SORCS2: variants seen among roughly 807,000 people sequenced by gnomAD.
SORCS2 encodes the protein VPS10 domain-containing receptor SorCS2.
In SORCS2, 100 loss-of-function variants were observed where a neutral mutation model predicts 141.6. The observed-to-expected ratio is 0.71, with a 90% CI of 0.60 to 0.83. SORCS2 has a LOEUF of 0.83. Ranked by LOEUF, SORCS2 falls within the 40% of genes least tolerant of loss-of-function variation. SORCS2 has a pLI of 0.00. For missense variants in SORCS2, 1,646 were observed against 1,560.2 expected, an observed-to-expected ratio of 1.05 and a Z score of -0.93; for synonymous variants, 789 against 676.9, an observed-to-expected ratio of 1.17 and a Z score of -2.57.
At chr4:7,739,989 AC>A (rs756807060) in intron 26 of SORCS2, among the ~76,000 whole-genome samples, 20 of 151,966 alleles carry the variant, frequency 1.3e-4, no homozygotes, top group African/African-American at 4.3e-4. Context: ...TCTGGGGCCC[AC>A]TGCTTGTGAT....
At chr4:7,383,090 G>C (rs1292148001) in intron 1 of SORCS2, among the ~76,000 whole-genome samples, 1 of 152,074 alleles carries the variant, frequency 6.6e-6, no homozygotes. Flanking sequence ...CTCATGCCCC[G>C]CGGGGCTGCT....
chr4:7,381,541 G>A (rs892379038), intron 1 of SORCS2, among the ~76,000 whole-genome samples: 3 of 152,214 alleles, frequency 2.0e-5, no homozygotes, highest in Non-Finnish European at 2.9e-5. Flanking sequence ...GCTGTCCCCC[G>A]TGAGTGTGGT....
chr4:7,545,344 C>T (rs755926872), intron 3 of SORCS2, among the ~76,000 whole-genome samples: 2 of 152,096 alleles, frequency 1.3e-5, no homozygotes, highest in Non-Finnish European at 2.9e-5. Context: ...ATACAGAGGT[C>T]GGGGAGCTCC....
At chr4:7,342,616 G>C (rs1720428739) in intron 1 of SORCS2, among the ~76,000 whole-genome samples, 1 of 152,132 alleles carries the variant, frequency 6.6e-6, no homozygotes, top group East Asian at 1.9e-4. Flanking sequence ...TTGGGGCCCG[G>C]CCTGCTTGCA....
intron 1 of SORCS2, among the ~76,000 whole-genome samples, chr4:7,383,884 A>G (rs890306659): frequency 2.6e-5 from 4 of 152,250 alleles, no homozygotes; most frequent in Non-Finnish European, 1.5e-5. Context: ...GCTGAGGTGG[A>G]AAAGTCTACC....
intron 2 of SORCS2, among the ~76,000 whole-genome samples, chr4:7,451,824 G>A (rs1728481119): frequency 6.6e-6 from 1 of 152,226 alleles, no homozygotes; most frequent in African/African-American, 2.4e-5. Flanking sequence ...GGAGCTCAGA[G>A]AGGATGCTGA....
At chr4:7,502,740 C>A (rs1252227049) in intron 2 of SORCS2, among the ~76,000 whole-genome samples, 1 of 152,254 alleles carries the variant, frequency 6.6e-6, no homozygotes, top group African/African-American at 2.4e-5. Flanking sequence ...TCACGACGCT[C>A]CATCTGCCAA....
At chr4:7,264,290 C>T (rs574599670) in intron 1 of SORCS2, among the ~76,000 whole-genome samples, 4 of 152,326 alleles carry the variant, frequency 2.6e-5, no homozygotes, top group African/African-American at 7.2e-5. Flanking sequence ...GCCCATGTCC[C>T]GCACCTCCCT....
intron 1 of SORCS2, among the ~76,000 whole-genome samples, chr4:7,387,833 C>T (rs961147631): frequency 9.1e-6 from 1 of 109,530 alleles, no homozygotes; most frequent in African/African-American, 2.9e-5. Context: ...TACACATGCA[C>T]ATACATACAC....
chr4:7,497,189 A>T (rs1351993889), intron 2 of SORCS2, among the ~76,000 whole-genome samples: 1 of 152,132 alleles, frequency 6.6e-6, no homozygotes, highest in African/African-American at 2.4e-5. Flanking sequence ...CCCCTGCCAC[A>T]CTCTGGTGTT....
intron 24 of SORCS2, 92 bp from the exon 25 acceptor site, chr4:7,734,180 G>T: frequency 1.1e-6 from 1 of 906,554 alleles, no homozygotes. Context: ...GGGACAGGCT[G>T]GGGACGGGTG....
intron 2 of SORCS2, among the ~76,000 whole-genome samples, chr4:7,455,875 C>T (rs1025387978): frequency 1.3e-5 from 2 of 152,156 alleles, no homozygotes; most frequent in African/African-American, 4.8e-5. Flanking sequence ...ACATGCTGTG[C>T]TGGTATCAGG....
intron 1 of SORCS2, among the ~76,000 whole-genome samples, chr4:7,291,590 G>T (rs943926615): frequency 6.6e-6 from 1 of 152,282 alleles, no homozygotes; most frequent in South Asian, 2.1e-4. Flanking sequence ...ATGCCTCAGC[G>T]TGAGCGTCAG....
intron 1 of SORCS2, among the ~76,000 whole-genome samples, chr4:7,262,272 A>G (rs1295011332): frequency 6.7e-6 from 1 of 148,982 alleles, no homozygotes; most frequent in Non-Finnish European, 1.5e-5. Context: ...CCATCCACCC[A>G]CCTATCCATC....
intron 1 of SORCS2, among the ~76,000 whole-genome samples, chr4:7,346,029 G>C (rs1339813216): frequency 6.6e-6 from 1 of 152,070 alleles, no homozygotes; most frequent in Non-Finnish European, 1.5e-5. Context: ...TTATTTTTCT[G>C]TGTAGTTTTT....
intron 4 of SORCS2, among the ~76,000 whole-genome samples, chr4:7,650,600 G>A (rs1297025931): frequency 6.6e-6 from 1 of 152,156 alleles, no homozygotes; most frequent in African/African-American, 2.4e-5. Flanking sequence ...ACTACAGCTG[G>A]GGCATCATTT....
chr4:7,621,737 C>T (rs1449026160), intron 3 of SORCS2, among the ~76,000 whole-genome samples: 4 of 152,230 alleles, frequency 2.6e-5, no homozygotes, highest in Admixed American at 1.3e-4. Context: ...AGACAGGTTG[C>T]CGGGGTGTGG....
chr4:7,702,600 C>G (rs1047023548), intron 12 of SORCS2, among the ~76,000 whole-genome samples: 10 of 152,224 alleles, frequency 6.6e-5, no homozygotes, highest in African/African-American at 2.2e-4. Context: ...CTGGGTAAGC[C>G]CTGTCCAGGC....
At chr4:7,228,133 A>T (rs28446641) in intron 1 of SORCS2, among the ~76,000 whole-genome samples, 1 of 152,218 alleles carries the variant, frequency 6.6e-6, no homozygotes, top group East Asian at 1.9e-4. Context: ...GACAAGATGT[A>T]GGCAGGGTTG....
Sources: allele counts gnomAD v4.1 joint callset (sites outside exome capture counted in the v4.1 genomes callset), GRCh38; gene constraint gnomAD v4.1.1; transcripts MANE v1.5; gene names NCBI Gene and HGNC (gene_info 2026-07-23, HGNC 2026-07-21).